NKX6-2: variants seen among roughly 807,000 people sequenced by gnomAD.
NKX6-2 encodes the protein NK6 homeobox 2.
Under a neutral mutation model 19.9 loss-of-function variants are expected in NKX6-2, and 22 were observed. The observed-to-expected ratio is 1.10, with a 90% confidence interval of 0.79 to 1.58. The LOEUF (loss-of-function observed/expected upper bound fraction) is 1.58, where lower values mean the gene tolerates loss of function less well. NKX6-2 is among the 40% of genes most tolerant of loss of function. The pLI, the probability that NKX6-2 is intolerant of heterozygous loss-of-function variation, is 0.00. For missense variants in NKX6-2, 475 were observed against 410.6 expected, an observed-to-expected ratio of 1.16 and a Z score of -1.35; for synonymous variants, 257 against 204.0, an observed-to-expected ratio of 1.26 and a Z score of -2.21.
rs1325501777 is a variant in NKX6-2 at position 132,785,699 on chromosome 10, C to T, written c.250G>A (p.Gly84Arg). 11 of 1,244,382 alleles carry T rather than the reference C, an allele frequency of 8.8e-6. No individual in the cohort carries two copies. The highest frequency in any genetic ancestry group is 1.1e-5 in the Non-Finnish European group (11 of 997,480). 77.1% of individuals were successfully genotyped at this position (1,244,382 alleles called of 1,614,324 possible). A position where few individuals can be genotyped will look rare whatever the true frequency, so the allele number is the denominator to read the frequency against. Residue 84 changes from glycine (G) to arginine (R), a missense_variant, in exon 1 of 3, where the codon GGG becomes AGG. By Grantham distance (125) the Gly-to-Arg change is moderately radical. Coordinates refer to ENST00000368592, the MANE Select transcript of NKX6-2 (RefSeq NM_177400.3). The surrounding 1 kb of genome is among the most constrained non-coding windows in gnomAD (Gnocchi z 5.5). ...TAAACGCCGGCGGACGACGCGAGCCCGTTGAGCCGGGGCAGCCCCCCCAGG... is the reference window on the plus strand; with the variant it reads ...TAAACGCCGGCGGACGACGCGAGCCTGTTGAGCCGGGGCAGCCCCCCCAGG... ...GLLGGLPRLNGLASSAGVYFG... is the reference protein window; with the variant it reads ...GLLGGLPRLNRLASSAGVYFG...
chr10:132,785,264 G>A lies in NKX6-2; in HGVS notation c.579+16C>T. On this transcript the variant is annotated intron_variant, in intron 2 of 2. Transcript: ENST00000368592. The surrounding 1 kb of genome is among the most constrained non-coding windows in gnomAD (Gnocchi z 5.5). The stretch of plus-strand genomic sequence containing the variant: ...CGGGCCCCCGGCTCTGCTCTCCCGA[G>A]CCCCGCCGCGCTCACCTTCACCTGG... The A allele has an allele frequency of 1.9e-6, 3 of 1,599,792 alleles. No homozygotes were observed. Among genetic ancestry groups the A allele is most frequent in the Non-Finnish European group, 1.7e-6 (2 of 1,174,770 alleles).
Position 132,784,928 on chromosome 10 carries a change from C to A in NKX6-2, c.822G>T (p.Gly274=). The change falls in exon 3 of 3, where the codon GGG becomes GGT. Residue 274 remains glycine (G), a synonymous_variant. Coordinates refer to ENST00000368592, the MANE Select transcript of NKX6-2 (RefSeq NM_177400.3). ...ACCCCGCGGGTCCTCACAAGGCGTC[C>A]CCCGCGCCGCCGCCGCACGGGCTGA... The part of the protein sequence containing the change: ...ALVSPCGGGA[G]DAL The A allele has an allele frequency of 6.2e-7, 1 of 1,611,986 alleles. No individual in the cohort carries two copies. Among genetic ancestry groups the A allele is most frequent in the Non-Finnish European group, 8.5e-7 (1 of 1,179,548 alleles).
At position 132,784,317 on chromosome 10, in the gene NKX6-2, C is replaced by T. The variant is rs1171646166; in HGVS notation, c.*599G>A. 2 of 152,328 alleles carry T rather than the reference C, an allele frequency of 1.3e-5. No individual in the cohort carries two copies. Among genetic ancestry groups the T allele is most frequent in the Non-Finnish European group, 2.9e-5 (2 of 68,090 alleles). 9.4% of individuals were successfully genotyped at this position (152,328 alleles called of 1,614,324 possible). A position where few individuals can be genotyped will look rare whatever the true frequency, so the allele number is the denominator to read the frequency against. ...AGCGGATCAGACCCGGTTCCACCGG[C>T]TGAGCCCAGGGCGGGCCTATGGGAT... On this transcript the variant is annotated 3_prime_UTR_variant, in exon 3 of 3. Coordinates refer to ENST00000368592, the MANE Select transcript of NKX6-2 (RefSeq NM_177400.3).
rs531585487 is a variant in NKX6-2, at chr10:132,783,783, A to C, written c.*1133T>G. 3.5e-4 allele frequency: 53 copies of C among 152,276 alleles called. No homozygotes were observed. The highest frequency in any genetic ancestry group is 1.2e-3 in the African/African-American group (51 of 41,576). The allele number at this position is 152,276 out of a possible 1,614,324, so 9.4% of individuals were successfully genotyped here. A position where few individuals can be genotyped will look rare whatever the true frequency, so the allele number is the denominator to read the frequency against. The stretch of plus-strand genomic sequence containing the variant: ...TGCTCTGAGCTGAGAGGGGCTCCCC[A>C]CAGAAAAGCGTTGCTTCTGCCCTTC... On this transcript the variant is annotated 3_prime_UTR_variant, in exon 3 of 3. Transcript: ENST00000368592.
At position 132,785,095 on chromosome 10, in the gene NKX6-2, C is replaced by A. The variant is rs1374116524; in HGVS notation, c.655G>T (p.Asp219Tyr). The change falls in exon 3 of 3, where the codon GAC (aspartate) becomes TAC (tyrosine). Residue 219 changes from aspartate (D) to tyrosine (Y), a missense_variant. Transcript: ENST00000368592. The surrounding 1 kb of genome is among the most constrained non-coding windows in gnomAD (Gnocchi z 5.5). ...VEMASAKKKQ[D>Y]SDAEKLKVGG... ...ACCTTCAGCTTCTCGGCGTCCGAGT[C>A]CTGCTTCTTCTTGGCCGACGCCATC... 1.9e-6 allele frequency: 3 copies of A among 1,611,372 alleles called. No homozygotes were observed. The highest frequency in any genetic ancestry group is 3.3e-5 in the Admixed American group (2 of 60,018).
In NKX6-2 at chr10:132,784,709, C is replaced by T. The variant is rs1365079443; in HGVS notation, c.*207G>A. On this transcript the variant is annotated 3_prime_UTR_variant, in exon 3 of 3. Coordinates refer to ENST00000368592, the MANE Select transcript of NKX6-2 (RefSeq NM_177400.3). ...CTCCGCACCGGGAACCCGGAGGACCCGAGGCGGGCGCAGGGGCGAAGCCGG... is the reference window on the plus strand; with the variant it reads ...CTCCGCACCGGGAACCCGGAGGACCTGAGGCGGGCGCAGGGGCGAAGCCGG... 2 of 552,060 alleles carry T rather than the reference C, an allele frequency of 3.6e-6. No homozygotes were observed. The highest frequency in any genetic ancestry group is 3.3e-5 in the East Asian group (1 of 30,454). The allele number at this position is 552,060 out of a possible 1,614,324, so 34.2% of individuals were successfully genotyped here.
chr10:132,783,314 G>A lies in NKX6-2; in HGVS notation c.*1602C>T, dbSNP rs1159641090. 2 of 152,380 alleles carry A rather than the reference G, an allele frequency of 1.3e-5. No individual in the cohort carries two copies. Among genetic ancestry groups the A allele is most frequent in the Non-Finnish European group, 2.9e-5 (2 of 68,036 alleles). 9.4% of individuals were successfully genotyped at this position (152,380 alleles called of 1,614,324 possible). A position where few individuals can be genotyped will look rare whatever the true frequency, so the allele number is the denominator to read the frequency against. On this transcript the variant is annotated 3_prime_UTR_variant, in exon 3 of 3. Transcript: ENST00000368592. ...CTGCAAGTGACTGCTGTCCGCTGCG[G>A]AATCTGTTCTTGGTGGAAGCACAGG...
Position 132,783,641 on chromosome 10 carries a change from T to C in NKX6-2, c.*1275A>G, listed in dbSNP as rs943771751. The C allele has an allele frequency of 2.0e-5, 3 of 152,250 alleles. No individual in the cohort carries two copies. Among genetic ancestry groups the C allele is most frequent in the Non-Finnish European group, 2.9e-5 (2 of 68,040 alleles). 9.4% of individuals were successfully genotyped at this position (152,250 alleles called of 1,614,324 possible). A position where few individuals can be genotyped will look rare whatever the true frequency, so the allele number is the denominator to read the frequency against. On this transcript the variant is annotated 3_prime_UTR_variant, in exon 3 of 3. Transcript: ENST00000368592. ...TGTCACAAAACACTAAGCCGTTCAT[T>C]GAGAGGAGAAACACAGCCTTTTGGA...
chr10:132,784,971 G>A lies in NKX6-2; in HGVS notation c.779C>T (p.Pro260Leu), dbSNP rs1565019738. The change falls in exon 3 of 3, where the codon CCC becomes CTC. Residue 260 changes from proline (P) to leucine (L), a missense_variant. Physicochemically the swap from Pro to Leu is moderately conservative, Grantham distance 98. Transcript: ENST00000368592. ...CGGGCTGACCAGCGCCAAGTTCGAG[G>A]GTTTGTGCTTCTTGAGCAGCCGCGT... The part of the protein sequence containing the change: ...KITRLLKKHK[P>L]SNLALVSPCG... The A allele has an allele frequency of 8.1e-6, 13 of 1,612,888 alleles. No homozygotes were observed. Among genetic ancestry groups the A allele is most frequent in the Non-Finnish European group, 1.0e-5 (12 of 1,179,852 alleles).
rs1465127343 is a variant in NKX6-2 at position 132,785,647 on chromosome 10, C to T, written c.302G>A (p.Arg101His). ...CTCGGCCAGGGGCTTGGGGTAGCCGCGCGCCACAGCGGCCGCGGGCCCGAA... is the reference window on the plus strand; with the variant it reads ...CTCGGCCAGGGGCTTGGGGTAGCCGTGCGCCACAGCGGCCGCGGGCCCGAA... ...VYFGPAAAVA[R>H]GYPKPLAELP... Residue 101 changes from arginine to histidine, a missense_variant, in exon 1 of 3, where the codon CGC (arginine) becomes CAC (histidine). Physicochemically the swap from Arg to His is conservative, Grantham distance 29. Coordinates refer to ENST00000368592, the MANE Select transcript of NKX6-2 (RefSeq NM_177400.3). This position sits in a 1 kb window ranked among gnomAD's most constrained non-coding sequence, Gnocchi z 5.5. 3 of 1,244,328 alleles carry T rather than the reference C, an allele frequency of 2.4e-6. No homozygotes were observed. The highest frequency in any genetic ancestry group is 3.0e-6 in the Non-Finnish European group (3 of 996,400). The allele number at this position is 1,244,328 out of a possible 1,614,324, so 77.1% of individuals were successfully genotyped here.
At position 132,785,466 on chromosome 10, in the gene NKX6-2, G is replaced by GA; in HGVS notation, c.407-15dup. The GA allele has an allele frequency of 6.5e-7, 1 of 1,547,674 alleles. No homozygotes were observed. Among genetic ancestry groups the GA allele is most frequent in the Non-Finnish European group, 8.7e-7 (1 of 1,147,668 alleles). On this transcript the variant is annotated splice_polypyrimidine_tract_variant and intron_variant, in intron 1 of 2. Coordinates refer to ENST00000368592, the MANE Select transcript of NKX6-2 (RefSeq NM_177400.3). The surrounding 1 kb of genome is among the most constrained non-coding windows in gnomAD (Gnocchi z 5.5). ...CGCCGGCCGGGGCTGCAAGGGAGGGGAAGGGAGGGAGGTCAGCGGCCGGCG... is the reference window on the plus strand; with the variant it reads ...CGCCGGCCGGGGCTGCAAGGGAGGGGAAAGGGAGGGAGGTCAGCGGCCGGCG...
chr10:132,784,941 C>A lies in NKX6-2; in HGVS notation c.809G>T (p.Gly270Val), dbSNP rs374752014. The A allele has an allele frequency of 6.2e-7, 1 of 1,612,378 alleles. No homozygotes were observed. Among genetic ancestry groups the A allele is most frequent in the African/African-American group, 1.3e-5 (1 of 74,922 alleles). ...PSNLALVSPC[G>V]GGAGDAL is the part of the protein sequence containing the mutation. ...TCACAAGGCGTCCCCCGCGCCGCCG[C>A]CGCACGGGCTGACCAGCGCCAAGTT... Residue 270 changes from glycine to valine, a missense_variant, in exon 3 of 3, where the codon GGC (glycine) becomes GTC (valine). Gly to Val is a moderately radical substitution (Grantham distance 109, BLOSUM62 -3). Transcript: ENST00000368592.
chr10:132,785,502 C>T lies in NKX6-2; in HGVS notation c.406+41G>A. 1 of 1,429,804 alleles carries T rather than the reference C, an allele frequency of 7.0e-7. No homozygotes were observed. The highest frequency in any genetic ancestry group is 9.2e-7 in the Non-Finnish European group (1 of 1,091,434). The allele number at this position is 1,429,804 out of a possible 1,614,324, so 88.6% of individuals were successfully genotyped here. The stretch of plus-strand genomic sequence containing the variant: ...GGTCAGCGGCCGGCGGGGTCCCCCT[C>T]CGCGCCCACCCGCCCCGCACCCCCC... On this transcript the variant is annotated intron_variant, in intron 1 of 2. Transcript: ENST00000368592. This position sits in a 1 kb window ranked among gnomAD's most constrained non-coding sequence, Gnocchi z 5.5.
rs773700509 is a variant in NKX6-2 at position 132,784,979 on chromosome 10, C to T, written c.771G>A (p.Lys257=). 3 of 1,612,890 alleles carry T rather than the reference C, an allele frequency of 1.9e-6. No individual in the cohort carries two copies. Among genetic ancestry groups the T allele is most frequent in the South Asian group, 1.1e-5 (1 of 91,080 alleles). ...DDEKITRLLK[K]HKPSNLALVS... Reference sequence around the variant, plus strand: ...CCAGCGCCAAGTTCGAGGGTTTGTGCTTCTTGAGCAGCCGCGTGATCTTCT... The same window carrying T: ...CCAGCGCCAAGTTCGAGGGTTTGTGTTTCTTGAGCAGCCGCGTGATCTTCT... The change falls in exon 3 of 3, where the codon AAG becomes AAA. Residue 257 remains lysine, a synonymous_variant. Transcript: ENST00000368592.
At position 132,785,255 on chromosome 10, in the gene NKX6-2, C is replaced by T; in HGVS notation, c.579+25G>A. 1 of 1,596,554 alleles carries T rather than the reference C, an allele frequency of 6.3e-7. No homozygotes were observed. The highest frequency in any genetic ancestry group is 8.5e-7 in the Non-Finnish European group (1 of 1,172,922). ...CGCAGGACGCGGGCCCCCGGCTCTG[C>T]TCTCCCGAGCCCCGCCGCGCTCACC... On this transcript the variant is annotated intron_variant, in intron 2 of 2. Transcript: ENST00000368592. The surrounding 1 kb of genome is among the most constrained non-coding windows in gnomAD (Gnocchi z 5.5).
Position 132,783,201 on chromosome 10 carries a change from G to A in NKX6-2, c.*1715C>T, listed in dbSNP as rs1287764919. 1 of 152,418 alleles carries A rather than the reference G, an allele frequency of 6.6e-6. No homozygotes were observed. Among genetic ancestry groups the A allele is most frequent in the Non-Finnish European group, 1.5e-5 (1 of 68,044 alleles). 9.4% of individuals were successfully genotyped at this position (152,418 alleles called of 1,614,324 possible). A position where few individuals can be genotyped will look rare whatever the true frequency, so the allele number is the denominator to read the frequency against. On this transcript the variant is annotated 3_prime_UTR_variant, in exon 3 of 3. Coordinates refer to ENST00000368592, the MANE Select transcript of NKX6-2 (RefSeq NM_177400.3). ...GTCTGTTGATGAAACACAAATGTAT[G>A]TTTTATTGATTTTACTTTAGAACAC...
At position 132,785,245 on chromosome 10, in the gene NKX6-2, C is replaced by A; in HGVS notation, c.579+35G>T. On this transcript the variant is annotated intron_variant, in intron 2 of 2. Transcript: ENST00000368592. This position sits in a 1 kb window ranked among gnomAD's most constrained non-coding sequence, Gnocchi z 5.5. The stretch of plus-strand genomic sequence containing the variant: ...TGGGGCCGTTCGCAGGACGCGGGCC[C>A]CCGGCTCTGCTCTCCCGAGCCCCGC... 1 of 1,589,228 alleles carries A rather than the reference C, an allele frequency of 6.3e-7. No homozygotes were observed. Among genetic ancestry groups the A allele is most frequent in the East Asian group, 2.3e-5 (1 of 43,826 alleles).
At position 132,785,928 on chromosome 10, in the gene NKX6-2, G is replaced by T; in HGVS notation, c.21C>A (p.Gly7=). 2 of 1,302,440 alleles carry T rather than the reference G, an allele frequency of 1.5e-6. No individual in the cohort carries two copies. Among genetic ancestry groups the T allele is most frequent in the Non-Finnish European group, 2.0e-6 (2 of 992,608 alleles). The allele number at this position is 1,302,440 out of a possible 1,614,324, so 80.7% of individuals were successfully genotyped here. A position where few individuals can be genotyped will look rare whatever the true frequency, so the allele number is the denominator to read the frequency against. The change falls in exon 1 of 3, where the codon GGC becomes GGA. Residue 7 remains glycine (G), a synonymous_variant. Coordinates refer to ENST00000368592, the MANE Select transcript of NKX6-2 (RefSeq NM_177400.3). This position sits in a 1 kb window ranked among gnomAD's most constrained non-coding sequence, Gnocchi z 5.5. ...GCGGGGCACTGCTCAGCACGAACGCGCCCGGGCGGTTAGTGTCCATGGGCG... is the reference window on the plus strand; with the variant it reads ...GCGGGGCACTGCTCAGCACGAACGCTCCCGGGCGGTTAGTGTCCATGGGCG... MDTNRP[G]AFVLSSAPLA... is the part of the protein sequence containing the mutation.
Position 132,785,456 on chromosome 10 carries a change from C to T in NKX6-2, c.407-4G>A. 1.3e-6 allele frequency: 2 copies of T among 1,568,314 alleles called. No individual in the cohort carries two copies. Among genetic ancestry groups the T allele is most frequent in the Non-Finnish European group, 1.7e-6 (2 of 1,159,326 alleles). Reference sequence around the variant, plus strand: ...TCCAGGACGCCGCCGGCCGGGGCTGCAAGGGAGGGGAAGGGAGGGAGGTCA... The same window carrying T: ...TCCAGGACGCCGCCGGCCGGGGCTGTAAGGGAGGGGAAGGGAGGGAGGTCA... On this transcript the variant is annotated splice_region_variant and splice_polypyrimidine_tract_variant and intron_variant, in intron 1 of 2. Coordinates refer to ENST00000368592, the MANE Select transcript of NKX6-2 (RefSeq NM_177400.3). This position sits in a 1 kb window ranked among gnomAD's most constrained non-coding sequence, Gnocchi z 5.5.
Sources: allele counts gnomAD v4.1 joint callset, GRCh38; gene constraint gnomAD v4.1.1; non-coding constraint Gnocchi (gnomAD v3.1); transcripts MANE v1.5; gene names NCBI Gene and HGNC (gene_info 2026-07-23, HGNC 2026-07-21).